Variants in PSMB7 observed in about 807,000 individuals in gnomAD.
The protein encoded by PSMB7 is proteasome subunit beta type-7.
In PSMB7, 5 loss-of-function variants were observed where a neutral mutation model predicts 28.1. That is an observed-to-expected ratio of 0.18 (90% CI 0.09 to 0.37). The LOEUF is 0.37. PSMB7 is among the 10% of genes least tolerant of loss of function. PSMB7 has a pLI of 1.00. For synonymous variants in PSMB7, 122 were observed against 123.7 expected (o/e 0.99, Z 0.09); for missense variants, 275 against 346.2 (o/e 0.79, Z 1.63).
chr9:124,402,331 T>G (rs2131175595), intron 5 of PSMB7, among the ~76,000 whole-genome samples: 1 of 152,314 alleles, frequency 6.6e-6, no homozygotes, highest in East Asian at 1.9e-4. Flanking sequence ...ACCTACTCAC[T>G]TTCAACAACT....
At chr9:124,413,322 C>G (rs1176574067) in intron 3 of PSMB7, among the ~76,000 whole-genome samples, 1 of 151,734 alleles carries the variant, frequency 6.6e-6, no homozygotes, top group Non-Finnish European at 1.5e-5. Flanking sequence ...AGGGACAGTT[C>G]AGACGTAACT....
At chr9:124,380,751 A>G (rs900833302) in intron 6 of PSMB7, among the ~76,000 whole-genome samples, 1 of 152,204 alleles carries the variant, frequency 6.6e-6, no homozygotes, top group Admixed American at 6.5e-5. Flanking sequence ...TGAACTCTAC[A>G]CTCAAGATCT....
chr9:124,399,637 A>G (rs562662337), intron 5 of PSMB7, among the ~76,000 whole-genome samples: 3 of 152,348 alleles, frequency 2.0e-5, no homozygotes, highest in South Asian at 2.1e-4. Flanking sequence ...GATGGCCCCA[A>G]ATGAAGGCGT....
intron 7 of PSMB7, 91 bp from the exon 8 acceptor site, chr9:124,353,800 A>G (rs948516946): frequency 4.2e-6 from 4 of 947,982 alleles, no homozygotes; most frequent in Non-Finnish European, 5.0e-6. Context: ...CAGGCAACGC[A>G]GTGAGCAGGC....
chr9:124,360,919 T>TA, intron 6 of PSMB7, among the ~76,000 whole-genome samples: 1 of 152,234 alleles, frequency 6.6e-6, no homozygotes, highest in East Asian at 1.9e-4. Flanking sequence ...TAATAAATGG[T>TA]AAGTTATTTA....
At chr9:124,382,368 C>A (rs545608807) in intron 6 of PSMB7, among the ~76,000 whole-genome samples, 1 of 151,134 alleles carries the variant, frequency 6.6e-6, no homozygotes, top group South Asian at 2.1e-4. Context: ...GTACCACGTC[C>A]GGCTAATTTT....
chr9:124,395,492 T>TA (rs1015588665), intron 5 of PSMB7, among the ~76,000 whole-genome samples: 2 of 151,962 alleles, frequency 1.3e-5, no homozygotes, highest in Non-Finnish European at 2.9e-5. Flanking sequence ...ACCCCGCCCC[T>TA]AAAAAATAAA....
At chr9:124,378,688 A>C (rs891755851) in intron 6 of PSMB7, among the ~76,000 whole-genome samples, 4 of 152,224 alleles carry the variant, frequency 2.6e-5, no homozygotes, top group African/African-American at 7.2e-5. Context: ...CCAAATGAAA[A>C]CATCCCTTCT....
At chr9:124,369,066 T>G (rs1455514302) in intron 6 of PSMB7, among the ~76,000 whole-genome samples, 1 of 152,222 alleles carries the variant, frequency 6.6e-6, no homozygotes, top group Admixed American at 6.5e-5. Flanking sequence ...ATCACCAAGG[T>G]TCTGATTCTA....
At chr9:124,390,505 T>C (rs1421397441) in intron 5 of PSMB7, among the ~76,000 whole-genome samples, 1 of 152,130 alleles carries the variant, frequency 6.6e-6, no homozygotes, top group Non-Finnish European at 1.5e-5. Context: ...CACACAGACA[T>C]TAAACATGAC....
intron 4 of PSMB7, among the ~76,000 whole-genome samples, chr9:124,408,795 T>C (rs1254392758): frequency 6.6e-6 from 1 of 152,218 alleles, no homozygotes; most frequent in East Asian, 1.9e-4. Context: ...AAATTTACAG[T>C]GTATGTGTCT....
At chr9:124,409,778 GAC>G (rs1019975555) in intron 4 of PSMB7, among the ~76,000 whole-genome samples, 140 of 152,214 alleles carry the variant, frequency 9.2e-4, no homozygotes, top group African/African-American at 3.2e-3. Context: ...AAATTTATAC[GAC>G]AGTCAGTGCT....
At position 124,356,900 on chromosome 9, in the gene PSMB7, T is replaced by G. The variant is rs1352975983; in HGVS notation, c.586A>C (p.Asn196His). The change falls in exon 7 of 8, where the codon AAT becomes CAT. Residue 196 changes from asparagine (N) to histidine (H), a missense_variant. Asn to His is a moderately conservative substitution (Grantham distance 68). Transcript: ENST00000259457. This position sits in a 1 kb window ranked among gnomAD's most constrained non-coding sequence, Gnocchi z 4.4. The stretch of plus-strand genomic sequence containing the variant: ...GCTGCGATGGCTTCGCTCACCAGAT[T>G]CTTGGCTTCCTCCTCCTGAGAAACA... ...RPDMEEEEAKNLVSEAIAAGI... is the reference protein window; with the variant it reads ...RPDMEEEEAKHLVSEAIAAGI... 6 of 1,614,052 alleles carry G rather than the reference T, an allele frequency of 3.7e-6. No homozygotes were observed. The highest frequency in any genetic ancestry group is 5.1e-6 in the Non-Finnish European group (6 of 1,180,030).
chr9:124,414,409 T>C (rs1187075970), intron 2 of PSMB7, among the ~76,000 whole-genome samples: 1 of 152,022 alleles, frequency 6.6e-6, no homozygotes, highest in Non-Finnish European at 1.5e-5. Context: ...CCTTTTGACG[T>C]TTCCAACAAT....
At chr9:124,391,610 T>C (rs1830788025) in intron 5 of PSMB7, among the ~76,000 whole-genome samples, 1 of 151,240 alleles carries the variant, frequency 6.6e-6, no homozygotes, top group South Asian at 2.1e-4. Flanking sequence ...CTCAAGTATC[T>C]GTTATAACAG....
intron 4 of PSMB7, among the ~76,000 whole-genome samples, chr9:124,411,670 T>G (rs1468548541): frequency 1.3e-5 from 2 of 152,126 alleles, no homozygotes; most frequent in African/African-American, 4.8e-5. Context: ...ACGCAATTAT[T>G]AAAGGAGAAA....
chr9:124,370,078 T>TCTATC (rs1162580521), intron 6 of PSMB7, among the ~76,000 whole-genome samples: 2 of 152,160 alleles, frequency 1.3e-5, no homozygotes, highest in Admixed American at 1.3e-4. Flanking sequence ...AGGACCACCG[T>TCTATC]CTATCAACAG....
At chr9:124,385,048 G>C (rs1340841660) in intron 5 of PSMB7, among the ~76,000 whole-genome samples, 1 of 152,212 alleles carries the variant, frequency 6.6e-6, no homozygotes, top group East Asian at 1.9e-4. Context: ...AGGCTGCTGG[G>C]TATAGCGCTA....
intron 6 of PSMB7, among the ~76,000 whole-genome samples, chr9:124,365,362 C>T (rs1830497444): frequency 6.6e-6 from 1 of 152,064 alleles, no homozygotes; most frequent in Non-Finnish European, 1.5e-5. Context: ...TCTTGTAATA[C>T]AAGTGAAAGG....
Sources: allele counts gnomAD v4.1 joint callset (sites outside exome capture counted in the v4.1 genomes callset), GRCh38; gene constraint gnomAD v4.1.1; non-coding constraint Gnocchi (gnomAD v3.1); transcripts MANE v1.5; gene names NCBI Gene and HGNC (gene_info 2026-07-23, HGNC 2026-07-21).